FAM227B: variants seen among roughly 807,000 people sequenced by gnomAD.
FAM227B encodes family with sequence similarity 227 member B, also known as protein FAM227B.
A neutral mutation model predicts 73.8 loss-of-function variants in FAM227B; 88 were observed. The observed-to-expected ratio is 1.19, with a 90% CI of 1.00 to 1.42. FAM227B has a LOEUF of 1.42. FAM227B is among the 40% of genes most tolerant of loss of function. The pLI is 0.00. For synonymous variants in FAM227B, 210 were observed against 190.5 expected (o/e 1.10, Z -0.84); for missense variants, 632 against 590.9 (o/e 1.07, Z -0.72).
chr15:49,408,975 A>G (rs1004441724), intron 11 of FAM227B, among the ~76,000 whole-genome samples: 2 of 152,272 alleles, frequency 1.3e-5, no homozygotes, highest in South Asian at 2.1e-4. Context: ...TTTGAAATAC[A>G]TATTTTATAT....
At chr15:49,414,736 G>A (rs2049098400) in intron 11 of FAM227B, among the ~76,000 whole-genome samples, 1 of 152,058 alleles carries the variant, frequency 6.6e-6, no homozygotes, top group East Asian at 1.9e-4. Context: ...TAATTGATAG[G>A]AAGAAACAGG....
chr15:49,588,037 G>A lies in FAM227B; in HGVS notation c.384C>T (p.Tyr128=), dbSNP rs748627335. The change falls in exon 5 of 16, where the codon TAC becomes TAT. Residue 128 remains tyrosine (Y), a synonymous_variant. Coordinates refer to ENST00000299338, the MANE Select transcript of FAM227B (RefSeq NM_152647.3). ...ATACCATTATCTTTTTTTTCTTATG[G>A]TACTTCTTTAGAAATTCCCCATATC... ...LERYGEFLKK[Y]HKKKKIMLSD... 16 of 1,438,022 alleles carry A rather than the reference G, an allele frequency of 1.1e-5. No homozygotes were observed. The highest frequency in any genetic ancestry group is 2.6e-5 in the East Asian group (1 of 38,816). 89.1% of individuals were successfully genotyped at this position (1,438,022 alleles called of 1,614,324 possible).
At chr15:49,491,531 T>C (rs2057094174) in intron 11 of FAM227B, among the ~76,000 whole-genome samples, 1 of 151,904 alleles carries the variant, frequency 6.6e-6, no homozygotes, top group Admixed American at 6.6e-5. Flanking sequence ...TTGTCTATAC[T>C]GTCCCCACTG....
At chr15:49,456,783 T>C (rs1343026396) in intron 11 of FAM227B, among the ~76,000 whole-genome samples, 1 of 152,050 alleles carries the variant, frequency 6.6e-6, no homozygotes, top group Non-Finnish European at 1.5e-5. Context: ...TGACAGGTGA[T>C]GGGAAGTCAC....
chr15:49,574,938 A>T, intron 8 of FAM227B, 73 bp downstream of exon 8: 1 of 878,418 alleles, frequency 1.1e-6, no homozygotes, highest in Non-Finnish European at 1.8e-6. Flanking sequence ...TTTTTGTACT[A>T]GACTTATCTC....
At position 49,335,477 on chromosome 15, in the gene FAM227B, G is replaced by T; in HGVS notation, c.1291C>A (p.Arg431Ser). 6.2e-7 allele frequency: 1 copy of T among 1,613,156 alleles called. No individual in the cohort carries two copies. Among genetic ancestry groups the T allele is most frequent in the Non-Finnish European group, 8.5e-7 (1 of 1,179,294 alleles). ...FQEPLPAPTY[R>S]DVIKEAKRQF... is the part of the protein sequence containing the mutation. ...CTTTTTGCCTCCTTTATAACATCAC[G>T]GTATGTTGGAGCAGGTAGTGTGCTA... The change falls in exon 14 of 16, where the codon CGT (arginine) becomes AGT (serine). Residue 431 changes from arginine to serine, a missense_variant. Transcript: ENST00000299338.
At chr15:49,593,804 A>G (rs1223572336) in intron 3 of FAM227B, among the ~76,000 whole-genome samples, 1 of 152,198 alleles carries the variant, frequency 6.6e-6, no homozygotes, top group Non-Finnish European at 1.5e-5. Context: ...TCTATGGTAT[A>G]TGTACACCAC....
intron 11 of FAM227B, chr15:49,425,401 C>G (rs888948016): frequency 1.3e-5 from 2 of 151,832 alleles, no homozygotes; most frequent in Admixed American, 6.6e-5. Flanking sequence ...TGATGAATAA[C>G]CAACTTCAAT....
At chr15:49,462,729 T>TA (rs2053917070) in intron 11 of FAM227B, among the ~76,000 whole-genome samples, 1 of 152,222 alleles carries the variant, frequency 6.6e-6, no homozygotes, top group South Asian at 2.1e-4. Flanking sequence ...CCAATTAAGT[T>TA]AAAATACAAC....
rs73406023 is a variant in FAM227B, at chr15:49,617,074, A to G, written c.-72-1831T>C. ...TCTTTAAATGTTTGAGAAACTTCCA[A>G]TGATAAACCTTGCTCTACTATGAAG... is the stretch of plus-strand genomic sequence containing the variant. On this transcript the variant is annotated intron_variant, in intron 1 of 15. Transcript: ENST00000299338. Among the ~76,000 whole-genome samples, 349 of 152,252 alleles carry G rather than the reference A, an allele frequency of 2.3e-3. 1 individual carries two copies. Among genetic ancestry groups the G allele is most frequent in the African/African-American group, 7.9e-3 (328 of 41,550 alleles).
At chr15:49,463,067 C>T (rs964781248) in intron 11 of FAM227B, among the ~76,000 whole-genome samples, 4 of 152,128 alleles carry the variant, frequency 2.6e-5, no homozygotes, top group Admixed American at 6.6e-5. Context: ...GGAAATATAA[C>T]CTGTTTGAAG....
At chr15:49,610,928 T>C (rs562083058) in intron 3 of FAM227B, among the ~76,000 whole-genome samples, 1 of 152,260 alleles carries the variant, frequency 6.6e-6, no homozygotes, top group African/African-American at 2.4e-5. Flanking sequence ...GGATATTCTT[T>C]AAGGTGTAAA....
intron 11 of FAM227B, among the ~76,000 whole-genome samples, chr15:49,439,052 C>A (rs1048723396): frequency 6.6e-6 from 1 of 151,644 alleles, no homozygotes; most frequent in South Asian, 2.1e-4. Context: ...GGGACTCTTA[C>A]GAGGTTGCAA....
chr15:49,379,480 C>T (rs2151513631), intron 11 of FAM227B, among the ~76,000 whole-genome samples: 1 of 152,224 alleles, frequency 6.6e-6, no homozygotes, highest in African/African-American at 2.4e-5. Flanking sequence ...TGTTATTCAT[C>T]TGTTGAGGTT....
Position 49,612,323 on chromosome 15 carries a change from A to G in FAM227B, c.52-1055T>C, listed in dbSNP as rs143107498. Reference sequence around the variant, plus strand: ...TGTTCTCATTGTTCAATTCCCACCTATGAGTGAGAACATGCGGTGTTTGTT... The same window carrying G: ...TGTTCTCATTGTTCAATTCCCACCTGTGAGTGAGAACATGCGGTGTTTGTT... On this transcript the variant is annotated intron_variant, in intron 2 of 15. Coordinates refer to ENST00000299338, the MANE Select transcript of FAM227B (RefSeq NM_152647.3). Among the ~76,000 whole-genome samples, 472 of 152,148 alleles carry G rather than the reference A, an allele frequency of 3.1e-3. 5 individuals are homozygous for G. Among genetic ancestry groups the G allele is most frequent in the African/African-American group, 0.011 (459 of 41,496 alleles).
intron 9 of FAM227B, among the ~76,000 whole-genome samples, chr15:49,557,896 C>G (rs1424854681): frequency 6.6e-6 from 1 of 152,196 alleles, no homozygotes; most frequent in Admixed American, 6.5e-5. Flanking sequence ...GTAGCCCCAA[C>G]AGAGGCTGCA....
Position 49,612,073 on chromosome 15 carries a change from C to T in FAM227B, c.52-805G>A, listed in dbSNP as rs553882767. Among the ~76,000 whole-genome samples, 13 of 150,376 alleles carry T rather than the reference C, an allele frequency of 8.6e-5. No homozygotes were observed. In the East Asian group the frequency reaches 1.6e-3, roughly 18 times the overall value. The stretch of plus-strand genomic sequence containing the variant: ...TAATTTGGTATGTTTATTTTGTAGC[C>T]GGCCAATTCCTTGGAGAGGCTATTT... On this transcript the variant is annotated intron_variant, in intron 2 of 15. Transcript: ENST00000299338.
intron 11 of FAM227B, among the ~76,000 whole-genome samples, chr15:49,448,538 A>G (rs1235613036): frequency 6.6e-6 from 1 of 151,716 alleles, no homozygotes; most frequent in Non-Finnish European, 1.5e-5. Context: ...ATCAAAATTC[A>G]CAGAAAAATG....
intron 11 of FAM227B, among the ~76,000 whole-genome samples, chr15:49,444,372 A>C (rs572653684): frequency 3.2e-4 from 48 of 151,902 alleles, no homozygotes; most frequent in African/African-American, 1.1e-3. Flanking sequence ...AGTTGGTTTA[A>C]ACAGTAACAG....
Sources: gnomAD v4.1 joint callset for allele counts (sites outside exome capture counted in the v4.1 genomes callset) on GRCh38, gnomAD v4.1.1 for gene constraint, MANE v1.5 for transcripts, NCBI Gene and HGNC (gene_info 2026-07-23, HGNC 2026-07-21) for gene names.